PELI2: variants seen among roughly 807,000 people sequenced by gnomAD.
The protein encoded by PELI2 is pellino E3 ubiquitin protein ligase family member 2, also known as E3 ubiquitin-protein ligase pellino homolog 2.
Under a neutral mutation model 42.3 loss-of-function variants are expected in PELI2, and 23 were observed. The observed-to-expected ratio is 0.54, with a 90% confidence interval of 0.39 to 0.77. PELI2 has a LOEUF of 0.77. PELI2 is among the 30% of genes least tolerant of loss of function. PELI2 has a pLI of 0.00. For synonymous variants in PELI2, 245 were observed against 212.2 expected (o/e 1.15, Z -1.34); for missense variants, 463 against 553.2 (o/e 0.84, Z 1.64).
intron 2 of PELI2, among the ~76,000 whole-genome samples, chr14:56,182,747 A>C (rs1239639751): frequency 6.6e-6 from 1 of 152,150 alleles, no homozygotes; most frequent in Non-Finnish European, 1.5e-5. Context: ...AAAATATTGA[A>C]ACACTTTCTT....
At chr14:56,139,182 G>T (rs1405732923) in intron 1 of PELI2, among the ~76,000 whole-genome samples, 1 of 152,158 alleles carries the variant, frequency 6.6e-6, no homozygotes, top group Non-Finnish European at 1.5e-5. Context: ...GTGCTGGCTG[G>T]AGGTGGAGAT....
chr14:56,162,424 A>G (rs942218746), intron 1 of PELI2, among the ~76,000 whole-genome samples: 7 of 152,256 alleles, frequency 4.6e-5, no homozygotes, highest in Non-Finnish European at 7.4e-5. Context: ...TTCCATCCAC[A>G]TTGTTGCAAA....
chr14:56,298,201 T>G lies in PELI2; in HGVS notation c.*1035T>G, dbSNP rs1890074694. The stretch of plus-strand genomic sequence containing the variant: ...CCATCTGTCACCTTCCCTTGCAGCT[T>G]AAGGAGCCCAGTAAGTTTTGAAAAT... On this transcript the variant is annotated 3_prime_UTR_variant, in exon 6 of 6. Transcript: ENST00000267460. 6.6e-6 allele frequency: 1 copy of G among 152,518 alleles called. No homozygotes were observed. The highest frequency in any genetic ancestry group is 1.5e-5 in the Non-Finnish European group (1 of 68,008). The allele number at this position is 152,518 out of a possible 1,614,324, so 9.4% of individuals were successfully genotyped here.
At chr14:56,295,083 A>G (rs1889955729) in intron 5 of PELI2, among the ~76,000 whole-genome samples, 1 of 147,278 alleles carries the variant, frequency 6.8e-6, no homozygotes, top group Admixed American at 6.8e-5. Flanking sequence ...AGTGCCATCG[A>G]GTCTAATTTC....
intron 1 of PELI2, among the ~76,000 whole-genome samples, chr14:56,129,773 C>T (rs1339488544): frequency 6.6e-6 from 1 of 152,214 alleles, no homozygotes; most frequent in Admixed American, 6.5e-5. Context: ...GCTATGGCAG[C>T]AATAGTGTGG....
chr14:56,227,486 G>A (rs190040494), intron 2 of PELI2, among the ~76,000 whole-genome samples: 47 of 152,320 alleles, frequency 3.1e-4, no homozygotes, highest in African/African-American at 9.9e-4. Context: ...AGGAGAAAAC[G>A]AGAATGAATG....
At chr14:56,280,204 T>C (rs376200330) in intron 3 of PELI2, among the ~76,000 whole-genome samples, 1 of 152,086 alleles carries the variant, frequency 6.6e-6, no homozygotes, top group African/African-American at 2.4e-5. Context: ...GAAAATGCCT[T>C]ACGTGCTTTC....
chr14:56,217,335 A>G (rs147822893), intron 2 of PELI2, among the ~76,000 whole-genome samples: 13 of 152,294 alleles, frequency 8.5e-5, no homozygotes, highest in African/African-American at 2.6e-4. Context: ...CTGGGAGGGG[A>G]ATGGGCATAT....
chr14:56,126,395 G>A (rs995544052), intron 1 of PELI2, among the ~76,000 whole-genome samples: 4 of 152,210 alleles, frequency 2.6e-5, no homozygotes, highest in African/African-American at 7.2e-5. Flanking sequence ...CTAGCCATCC[G>A]CATAATGCTT....
intron 2 of PELI2, among the ~76,000 whole-genome samples, chr14:56,228,678 AG>A (rs1221320872): frequency 6.6e-6 from 1 of 152,228 alleles, no homozygotes; most frequent in Non-Finnish European, 1.5e-5. Flanking sequence ...TACAGCTCCC[AG>A]TGTGAGCGAT....
chr14:56,248,888 T>A (rs994432218), intron 2 of PELI2, among the ~76,000 whole-genome samples: 2 of 152,068 alleles, frequency 1.3e-5, no homozygotes, highest in African/African-American at 4.8e-5. Flanking sequence ...ATGCCACTTG[T>A]AGAGGATATC....
intron 5 of PELI2, among the ~76,000 whole-genome samples, chr14:56,296,226 GGACTGGTA>G (rs1395128369): frequency 6.6e-6 from 1 of 152,182 alleles, no homozygotes; most frequent in Non-Finnish European, 1.5e-5. Context: ...TCCACTGGAT[GGACTGGTA>G]GGACATCTCT....
At chr14:56,187,051 A>G (rs1491001855) in intron 2 of PELI2, among the ~76,000 whole-genome samples, 1 of 152,172 alleles carries the variant, frequency 6.6e-6, no homozygotes, top group Admixed American at 6.5e-5. Flanking sequence ...TCATTCAACA[A>G]ATGAAGGAGT....
chr14:56,251,677 C>A (rs1037374879), intron 2 of PELI2, among the ~76,000 whole-genome samples: 1 of 152,138 alleles, frequency 6.6e-6, no homozygotes, highest in African/African-American at 2.4e-5. Flanking sequence ...AATTGGTAAG[C>A]AAAATCAAGT....
At chr14:56,243,102 ATGTC>A (rs1214253403) in intron 2 of PELI2, among the ~76,000 whole-genome samples, 3 of 151,782 alleles carry the variant, frequency 2.0e-5, no homozygotes, top group Non-Finnish European at 4.4e-5. Flanking sequence ...AGTTTTCTAG[ATGTC>A]TGTCTGGTTG....
rs528699055 is a variant in PELI2, at chr14:56,194,462, A to C, written c.207+15998A>C. Among the ~76,000 whole-genome samples the C allele has an allele frequency of 6.6e-5, 10 of 152,236 alleles. 1 individual carries two copies. The East Asian group carries it at 1.9e-3, about 29-fold the overall frequency. On this transcript the variant is annotated intron_variant, in intron 2 of 5. Coordinates refer to ENST00000267460, the MANE Select transcript of PELI2 (RefSeq NM_021255.3). ...CAGATCCTGCAGAATCTGCTTCTTCACCAGTCGCCATCCCTAGCATGGACA... is the reference window on the plus strand; with the variant it reads ...CAGATCCTGCAGAATCTGCTTCTTCCCCAGTCGCCATCCCTAGCATGGACA...
chr14:56,126,733 T>C (rs1479151161), intron 1 of PELI2, among the ~76,000 whole-genome samples: 1 of 152,132 alleles, frequency 6.6e-6, no homozygotes, highest in African/African-American at 2.4e-5. Context: ...TGATGATTGA[T>C]TGATGGATTG....
chr14:56,247,084 A>G (rs562671462), intron 2 of PELI2, among the ~76,000 whole-genome samples: 1 of 152,198 alleles, frequency 6.6e-6, no homozygotes, highest in Non-Finnish European at 1.5e-5. Context: ...GTTAATAAAT[A>G]TAATGGACCT....
chr14:56,209,652 G>C (rs1936112502), intron 2 of PELI2, among the ~76,000 whole-genome samples: 1 of 152,112 alleles, frequency 6.6e-6, no homozygotes, highest in South Asian at 2.1e-4. Context: ...ACAGATATAT[G>C]AACAAAAGCT....
Sources: gnomAD v4.1 joint callset for allele counts (sites outside exome capture counted in the v4.1 genomes callset) on GRCh38, gnomAD v4.1.1 for gene constraint, MANE v1.5 for transcripts, NCBI Gene and HGNC (gene_info 2026-07-23, HGNC 2026-07-21) for gene names.